Variants in PCDHGB6 observed in about 807,000 individuals in gnomAD.
PCDHGB6 encodes protocadherin gamma-B6.
In PCDHGB6, 51 loss-of-function variants were observed where a neutral mutation model predicts 59.1. The observed-to-expected ratio is 0.86, with a 90% confidence interval of 0.69 to 1.09. The LOEUF (loss-of-function observed/expected upper bound fraction) is 1.09, where lower values mean the gene tolerates loss of function less well. Among genes scored for constraint, PCDHGB6 ranks in the 50% least tolerant of loss-of-function variants. The probability of loss-of-function intolerance (pLI) is 0.00; values close to 1 mark genes in which losing one functional copy is unlikely to be tolerated. For synonymous variants in PCDHGB6, 466 were observed against 495.1 expected (o/e 0.94, Z 0.78); for missense variants, 1,148 against 1,205.1 (o/e 0.95, Z 0.70).
intron 1 of PCDHGB6, among the ~76,000 whole-genome samples, chr5:141,464,261 T>TC (rs2099079163): frequency 1.5e-5 from 2 of 137,096 alleles, no homozygotes; most frequent in African/African-American, 2.9e-5. Flanking sequence ...CGAGACTCCG[T>TC]CTAAAAAAAA....
At chr5:141,430,559 G>C in intron 1 of PCDHGB6, 1 of 418,772 alleles carries the variant, frequency 2.4e-6, no homozygotes. Flanking sequence ...CACCAATCGG[G>C]GAGAGAAAAG....
At position 141,486,813 on chromosome 5, in the gene PCDHGB6, G is replaced by A; in HGVS notation, c.2419-7994G>A. On this transcript the variant is annotated intron_variant, in intron 1 of 3. Transcript: ENST00000520790. The surrounding 1 kb of genome is among the most constrained non-coding windows in gnomAD (Gnocchi z 5.0). ...GATCGGGGCAACCCACCCCTTAGCA[G>A]CACTGTAACAGTTCGTCTATTTGTG... The A allele has an allele frequency of 6.2e-7, 1 of 1,614,212 alleles. No individual in the cohort carries two copies.
chr5:141,419,524 T>C (rs1400473876), intron 1 of PCDHGB6: 4 of 1,612,164 alleles, frequency 2.5e-6, no homozygotes, highest in Non-Finnish European at 3.4e-6. Flanking sequence ...TGGGCGACCG[T>C]AACGACAACG....
At chr5:141,473,511 C>T (rs952034051) in intron 1 of PCDHGB6, among the ~76,000 whole-genome samples, 23 of 152,108 alleles carry the variant, frequency 1.5e-4, no homozygotes, top group Non-Finnish European at 3.1e-4. Flanking sequence ...GAGAGCATAA[C>T]AAAGGATCCT....
At chr5:141,422,850 G>T (rs184432819) in intron 1 of PCDHGB6, 7 of 1,614,086 alleles carry the variant, frequency 4.3e-6, no homozygotes, top group Non-Finnish European at 5.9e-6. Context: ...GCGGGGACCC[G>T]CCCCTCAGCA....
At position 141,491,753 on chromosome 5, in the gene PCDHGB6, C is replaced by T. The variant is rs373728953; in HGVS notation, c.2419-3054C>T. On this transcript the variant is annotated intron_variant, in intron 1 of 3. Coordinates refer to ENST00000520790, the MANE Select transcript of PCDHGB6 (RefSeq NM_018926.3). The surrounding 1 kb of genome is among the most constrained non-coding windows in gnomAD (Gnocchi z 6.9). ...ACCCCTGGGGGCGGCACTGGAGAAGCCGCCCGTCCTCATAAGGGATTGAAC... is the reference window on the plus strand; with the variant it reads ...ACCCCTGGGGGCGGCACTGGAGAAGTCGCCCGTCCTCATAAGGGATTGAAC... 4 of 1,585,146 alleles carry T rather than the reference C, an allele frequency of 2.5e-6. No homozygotes were observed. Among genetic ancestry groups the T allele is most frequent in the East Asian group, 2.3e-5 (1 of 43,412 alleles).
In PCDHGB6 at chr5:141,459,352, C is replaced by T. The variant is rs111826527; in HGVS notation, c.2419-35455C>T. On this transcript the variant is annotated intron_variant, in intron 1 of 3. Coordinates refer to ENST00000520790, the MANE Select transcript of PCDHGB6 (RefSeq NM_018926.3). Reference sequence around the variant, plus strand: ...TACTCCAAAGTTCTTGAAATTCATTCATGTTCCTGTGTGTATCAGCAGCGT... The same window carrying T: ...TACTCCAAAGTTCTTGAAATTCATTTATGTTCCTGTGTGTATCAGCAGCGT... 1.4e-4 allele frequency among the ~76,000 whole-genome samples: 21 copies of T among 152,304 alleles called. No homozygotes were observed. The East Asian group carries it at 3.7e-3, about 27-fold the overall frequency.
At position 141,491,201 on chromosome 5, in the gene PCDHGB6, C is replaced by T. The variant is rs752813291; in HGVS notation, c.2419-3606C>T. The T allele has an allele frequency of 3.7e-6, 6 of 1,614,226 alleles. No homozygotes were observed. The Admixed American group carries it at 5.0e-5, about 13-fold the overall frequency. On this transcript the variant is annotated intron_variant, in intron 1 of 3. Transcript: ENST00000520790. This position sits in a 1 kb window ranked among gnomAD's most constrained non-coding sequence, Gnocchi z 6.9. ...GTCCTGGTGAGGGACAATGGTGACCCTTCACTCTCCTCCACAGCCACAGTG... is the reference window on the plus strand; with the variant it reads ...GTCCTGGTGAGGGACAATGGTGACCTTTCACTCTCCTCCACAGCCACAGTG...
intron 1 of PCDHGB6, chr5:141,415,232 C>G (rs1329834276): frequency 3.1e-6 from 5 of 1,614,076 alleles, no homozygotes; most frequent in Non-Finnish European, 4.2e-6. Flanking sequence ...GAGTCTCCAG[C>G]TAACTCTGAA....
chr5:141,499,565 C>CTTATCTTGT (rs2099792732), intron 2 of PCDHGB6, among the ~76,000 whole-genome samples: 2 of 152,168 alleles, frequency 1.3e-5, no homozygotes, highest in Non-Finnish European at 2.9e-5. Flanking sequence ...CACTATCCAG[C>CTTATCTTGT]TTCAACTAAT....
chr5:141,474,961 AATC>A (rs2099357151), intron 1 of PCDHGB6, among the ~76,000 whole-genome samples: 1 of 152,254 alleles, frequency 6.6e-6, no homozygotes, highest in African/African-American at 2.4e-5. Flanking sequence ...TCACTATCCT[AATC>A]ATTATAATTT....
At chr5:141,418,855 A>C in intron 1 of PCDHGB6, 1 of 1,614,042 alleles carries the variant, frequency 6.2e-7, no homozygotes, top group Non-Finnish European at 8.5e-7. Context: ...CACGGTGTAA[A>C]GTAATTGTAG....
chr5:141,431,049 T>C lies in PCDHGB6; in HGVS notation c.2418+20429T>C, dbSNP rs1226000576. On this transcript the variant is annotated intron_variant, in intron 1 of 3. Coordinates refer to ENST00000520790, the MANE Select transcript of PCDHGB6 (RefSeq NM_018926.3). The surrounding 1 kb of genome is among the most constrained non-coding windows in gnomAD (Gnocchi z 4.8). Reference sequence around the variant, plus strand: ...AGGATAGACCGGGAGGAGCTCTGTATGGGGGCCATCAAGTGTCAATTAAAT... The same window carrying C: ...AGGATAGACCGGGAGGAGCTCTGTACGGGGGCCATCAAGTGTCAATTAAAT... The C allele has an allele frequency of 6.2e-7, 1 of 1,614,162 alleles. No homozygotes were observed. Among genetic ancestry groups the C allele is most frequent in the Non-Finnish European group, 8.5e-7 (1 of 1,180,014 alleles).
In PCDHGB6 at chr5:141,431,371, A is replaced by G. The variant is rs2097366432; in HGVS notation, c.2418+20751A>G. The G allele has an allele frequency of 6.2e-7, 1 of 1,613,998 alleles. No individual in the cohort carries two copies. The highest frequency in any genetic ancestry group is 8.5e-7 in the Non-Finnish European group (1 of 1,180,038). ...TGAAACGCGCCCTGGACCGCGAAGA[A>G]AAGGCTGCTCACCACCTGGTCCTTA... On this transcript the variant is annotated intron_variant, in intron 1 of 3. Transcript: ENST00000520790. The surrounding 1 kb of genome is among the most constrained non-coding windows in gnomAD (Gnocchi z 4.8).
intron 1 of PCDHGB6, among the ~76,000 whole-genome samples, chr5:141,474,357 T>G (rs185194067): frequency 2.0e-4 from 30 of 152,302 alleles, no homozygotes; most frequent in African/African-American, 6.5e-4. Context: ...AAGTCATGTC[T>G]CAGTAGGTCT....
chr5:141,456,888 G>A (rs376401806), intron 1 of PCDHGB6, among the ~76,000 whole-genome samples: 5 of 152,118 alleles, frequency 3.3e-5, no homozygotes, highest in Admixed American at 1.3e-4. Context: ...GCTTGAACCC[G>A]GGAGGCAGAG....
intron 1 of PCDHGB6, chr5:141,420,411 T>C: frequency 8.1e-7 from 1 of 1,229,398 alleles, no homozygotes; most frequent in Non-Finnish European, 1.1e-6. Context: ...ATGGTTATCA[T>C]TATTAAAACA....
At chr5:141,410,913 G>GC (rs1270456210) in intron 1 of PCDHGB6, 4 of 263,626 alleles carry the variant, frequency 1.5e-5, no homozygotes, top group African/African-American at 1.1e-4. Flanking sequence ...GAGTGCAGTG[G>GC]CGTGATCTCT....
chr5:141,478,210 A>G, intron 1 of PCDHGB6: 1 of 1,614,064 alleles, frequency 6.2e-7, no homozygotes, highest in East Asian at 2.2e-5. Flanking sequence ...TTCTTTCTCT[A>G]ATCCTGGTTT....
Sources: allele counts gnomAD v4.1 joint callset (sites outside exome capture counted in the v4.1 genomes callset), GRCh38; gene constraint gnomAD v4.1.1; non-coding constraint Gnocchi (gnomAD v3.1); transcripts MANE v1.5; gene names NCBI Gene and HGNC (gene_info 2026-07-23, HGNC 2026-07-21).